CSMD1: variants seen among roughly 807,000 people sequenced by gnomAD.
CSMD1 encodes the protein CUB and sushi domain-containing protein 1.
In CSMD1, 213 loss-of-function variants were observed where a neutral mutation model predicts 417.5. The observed-to-expected ratio is 0.51, with a 90% CI of 0.46 to 0.57. The LOEUF is 0.57. Among genes scored for constraint, CSMD1 ranks in the 20% least tolerant of loss-of-function variants. CSMD1 has a pLI of 0.00. For missense variants in CSMD1, 6,923 were observed against 4,529.7 expected, an observed-to-expected ratio of 1.53 and a Z score of -15.17; for synonymous variants, 2,862 against 1,736.8, an observed-to-expected ratio of 1.65 and a Z score of -16.11.
chr8:3,568,465 TTTGAG>T (rs1366783442), intron 10 of CSMD1, among the ~76,000 whole-genome samples: 1 of 152,152 alleles, frequency 6.6e-6, no homozygotes, highest in African/African-American at 2.4e-5. Context: ...GTACTAACGT[TTTGAG>T]TTTTTTAAAT....
chr8:3,816,649 T>A (rs935769189), intron 5 of CSMD1, among the ~76,000 whole-genome samples: 2 of 152,142 alleles, frequency 1.3e-5, no homozygotes, highest in African/African-American at 4.8e-5. Flanking sequence ...GTTTCTAACA[T>A]AAAGGAAAAA....
chr8:2,955,841 G>A (rs763110264), intron 63 of CSMD1, 73 bp from the exon 64 acceptor site: 1 of 1,362,748 alleles, frequency 7.3e-7, no homozygotes, highest in Non-Finnish European at 1.0e-6. Context: ...GAAATTAATA[G>A]ATTAAAATAG....
chr8:3,265,292 G>A (rs1801354553), intron 26 of CSMD1, among the ~76,000 whole-genome samples: 1 of 152,216 alleles, frequency 6.6e-6, no homozygotes, highest in South Asian at 2.1e-4. Context: ...AGAGGAGGAA[G>A]AAATGGTAAA....
At chr8:3,281,859 G>C (rs1802766515) in intron 26 of CSMD1, among the ~76,000 whole-genome samples, 1 of 152,102 alleles carries the variant, frequency 6.6e-6, no homozygotes, top group South Asian at 2.1e-4. Context: ...ATTGGATCAT[G>C]GGGGTAGTTT....
rs1395431614 is a variant in CSMD1, at chr8:3,945,103, T to C, written c.818+52800A>G. ...ACAATGTGAACAGGCTGACCCCAGATAATTATAAAATTAAGCCTTTGTAAG... is the reference window on the plus strand; with the variant it reads ...ACAATGTGAACAGGCTGACCCCAGACAATTATAAAATTAAGCCTTTGTAAG... On this transcript the variant is annotated intron_variant, in intron 5 of 69. Transcript: ENST00000635120. Among the ~76,000 whole-genome samples, 5 of 144,242 alleles carry C rather than the reference T, an allele frequency of 3.5e-5. No homozygotes were observed. In the East Asian group the frequency reaches 8.3e-4, roughly 24 times the overall value. The allele number at this position is 144,242 out of a possible 152,430, so 94.6% of individuals were successfully genotyped here. A position where few individuals can be genotyped will look rare whatever the true frequency, so the allele number is the denominator to read the frequency against.
At chr8:4,944,695 C>T (rs902433494) in intron 1 of CSMD1, among the ~76,000 whole-genome samples, 1 of 152,146 alleles carries the variant, frequency 6.6e-6, no homozygotes. Context: ...CATCACCTCA[C>T]ACCCACGCAG....
At chr8:4,098,870 C>G (rs1801158935) in intron 3 of CSMD1, among the ~76,000 whole-genome samples, 1 of 152,140 alleles carries the variant, frequency 6.6e-6, no homozygotes, top group African/African-American at 2.4e-5. Flanking sequence ...TCATTTATTC[C>G]CGTCCAGAAA....
intron 3 of CSMD1, among the ~76,000 whole-genome samples, chr8:4,149,749 C>G (rs770882214): frequency 1.1e-4 from 16 of 152,192 alleles, no homozygotes; most frequent in African/African-American, 4.8e-5. Flanking sequence ...CTCCAAGCAT[C>G]CAGCCAGGCC....
intron 10 of CSMD1, among the ~76,000 whole-genome samples, chr8:3,572,022 G>C (rs747405752): frequency 2.6e-5 from 4 of 152,168 alleles, no homozygotes. Context: ...CAAAAGACGC[G>C]AAAGAAGGGG....
intron 1 of CSMD1, among the ~76,000 whole-genome samples, chr8:4,706,960 TG>T (rs1257364215): frequency 6.6e-6 from 1 of 152,178 alleles, no homozygotes; most frequent in Non-Finnish European, 1.5e-5. Flanking sequence ...TGGCAGAGGT[TG>T]GGGTTAGAGT....
chr8:4,994,567 T>C lies in CSMD1; in HGVS notation c.-151A>G, dbSNP rs1272161693. On this transcript the variant is annotated 5_prime_UTR_variant, in exon 1 of 70. Transcript: ENST00000635120. The stretch of plus-strand genomic sequence containing the variant: ...CCGCGCATCCGACGCCTCCTGAAGG[T>C]CTGGGCGCCCGGCTCGCTTCCCTCT... 3 of 672,704 alleles carry C rather than the reference T, an allele frequency of 4.5e-6. No homozygotes were observed. Among genetic ancestry groups the C allele is most frequent in the Admixed American group, 2.3e-5 (1 of 43,070 alleles). The allele number at this position is 672,704 out of a possible 1,614,324, so 41.7% of individuals were successfully genotyped here.
intron 52 of CSMD1, among the ~76,000 whole-genome samples, chr8:3,002,011 G>A (rs186019648): frequency 8.5e-5 from 13 of 152,310 alleles, no homozygotes; most frequent in African/African-American, 3.1e-4. Context: ...AGAGGAGAGA[G>A]ACAGAAGAGA....
chr8:3,927,335 A>C (rs1158139709), intron 5 of CSMD1, among the ~76,000 whole-genome samples: 1 of 151,994 alleles, frequency 6.6e-6, no homozygotes, highest in Non-Finnish European at 1.5e-5. Flanking sequence ...GAACTTTATG[A>C]GTATTCAATG....
Position 4,934,231 on chromosome 8 carries a change from C to A in CSMD1, c.85+60101G>T, listed in dbSNP as rs150901872. On this transcript the variant is annotated intron_variant, in intron 1 of 69. Transcript: ENST00000635120. ...AGCTCCTCCAACATTTTTATCCAGA[C>A]ATCCCCCAAGGCAGAAAAAAATAAA... Among the ~76,000 whole-genome samples, 236 of 152,286 alleles carry A rather than the reference C, an allele frequency of 1.5e-3. 1 individual carries two copies. Among genetic ancestry groups the A allele is most frequent in the African/African-American group, 5.2e-3 (217 of 41,546 alleles).
intron 33 of CSMD1, among the ~76,000 whole-genome samples, chr8:3,193,687 G>C (rs1047816657): frequency 7.2e-5 from 11 of 152,202 alleles, no homozygotes; most frequent in African/African-American, 2.4e-4. Flanking sequence ...GCCTGGAATA[G>C]AGGGTGATCA....
At chr8:4,262,625 A>G (rs1441850520) in intron 3 of CSMD1, among the ~76,000 whole-genome samples, 1 of 152,110 alleles carries the variant, frequency 6.6e-6, no homozygotes, top group African/African-American at 2.4e-5. Context: ...TCAAACAGCC[A>G]TCGCCACCCA....
rs527293406 is a variant in CSMD1, at chr8:4,625,617, G to A, written c.302+11725C>T. The stretch of plus-strand genomic sequence containing the variant: ...AATACAAAGTCACAACATATCCCGT[G>A]CATTTACATTTTAGAAATATTTAAT... On this transcript the variant is annotated intron_variant, in intron 2 of 69. Transcript: ENST00000635120. 2.2e-4 allele frequency among the ~76,000 whole-genome samples: 34 copies of A among 151,866 alleles called. No homozygotes were observed. In the South Asian group the frequency reaches 6.3e-3, roughly 28 times the overall value.
intron 5 of CSMD1, among the ~76,000 whole-genome samples, chr8:3,840,251 G>A (rs964535795): frequency 2.0e-5 from 3 of 152,066 alleles, no homozygotes; most frequent in Admixed American, 1.3e-4. Context: ...GCATAAATTA[G>A]CCAAATGGTG....
intron 25 of CSMD1, among the ~76,000 whole-genome samples, chr8:3,304,152 G>A (rs1055737621): frequency 2.6e-5 from 4 of 152,050 alleles, no homozygotes; most frequent in African/African-American, 9.7e-5. Flanking sequence ...TTTACATTAA[G>A]ATATCATAGT....
Sources: allele counts gnomAD v4.1 joint callset (sites outside exome capture counted in the v4.1 genomes callset), GRCh38; gene constraint gnomAD v4.1.1; transcripts MANE v1.5; gene names NCBI Gene and HGNC (gene_info 2026-07-23, HGNC 2026-07-21).